The following CPNE5 variants were observed in gnomAD, a reference collection of about 807,000 sequenced individuals.
The protein encoded by CPNE5 is copine-5.
CPNE5 carries 42 observed loss-of-function variants against 81.1 expected under a neutral mutation model. That is an observed-to-expected ratio of 0.52 (90% CI 0.40 to 0.67). CPNE5 has a LOEUF of 0.67. Among genes scored for constraint, CPNE5 ranks in the 30% least tolerant of loss-of-function variants. The probability of loss-of-function intolerance (pLI) is 0.00; values close to 1 mark genes in which losing one functional copy is unlikely to be tolerated. For missense variants in CPNE5, 612 were observed against 815.5 expected, an observed-to-expected ratio of 0.75 and a Z score of 3.04; for synonymous variants, 313 against 321.5, an observed-to-expected ratio of 0.97 and a Z score of 0.28.
intron 3 of CPNE5, among the ~76,000 whole-genome samples, chr6:36,808,468 G>T (rs952982201): frequency 6.6e-6 from 1 of 152,138 alleles, no homozygotes; most frequent in Non-Finnish European, 1.5e-5. Flanking sequence ...GCAACAGACA[G>T]CACAAGGACA....
chr6:36,767,687 C>A (rs1055844731), intron 10 of CPNE5, among the ~76,000 whole-genome samples: 1 of 152,212 alleles, frequency 6.6e-6, no homozygotes, highest in African/African-American at 2.4e-5. Context: ...GGACCCCAGT[C>A]ATGGTGACAG....
At chr6:36,764,666 C>T (rs1766382493) in intron 11 of CPNE5, among the ~76,000 whole-genome samples, 1 of 152,156 alleles carries the variant, frequency 6.6e-6, no homozygotes, top group Non-Finnish European at 1.5e-5. Flanking sequence ...CCCAGAAGTA[C>T]TGGCCTCCCA....
chr6:36,764,740 C>A (rs7744140), intron 11 of CPNE5, among the ~76,000 whole-genome samples: 1 of 152,056 alleles, frequency 6.6e-6, no homozygotes, highest in Non-Finnish European at 1.5e-5. Flanking sequence ...CACTGTCTCA[C>A]GGCCCATGAG....
chr6:36,800,003 T>A lies in CPNE5; in HGVS notation c.251A>T (p.Tyr84Phe). ...GAGGTTCTGCTTCTCCTCGAAAAAG[T>A]AATCCACAATGAACTTGCGCACGAA... ...PDFVRKFIVDYFFEEKQNLRF... is the reference protein window; with the variant it reads ...PDFVRKFIVDFFFEEKQNLRF... Residue 84 changes from tyrosine (Y) to phenylalanine (F), a missense_variant, in exon 4 of 21, where the codon TAC (tyrosine) becomes TTC (phenylalanine). Transcript: ENST00000244751. The A allele has an allele frequency of 6.2e-7, 1 of 1,614,096 alleles. No individual in the cohort carries two copies. The highest frequency in any genetic ancestry group is 2.2e-5 in the East Asian group (1 of 44,868).
At chr6:36,784,071 A>C (rs1768296013) in intron 8 of CPNE5, among the ~76,000 whole-genome samples, 1 of 152,234 alleles carries the variant, frequency 6.6e-6, no homozygotes, top group Non-Finnish European at 1.5e-5. Context: ...TTAAAAACAA[A>C]AAAAGGATTG....
chr6:36,816,550 G>T (rs1483967989), intron 3 of CPNE5, among the ~76,000 whole-genome samples: 3 of 152,158 alleles, frequency 2.0e-5, no homozygotes, highest in Non-Finnish European at 2.9e-5. Flanking sequence ...TTATTTCTCG[G>T]ACAAGATTCT....
intron 9 of CPNE5, 53 bp from the exon 10 acceptor site, chr6:36,775,118 G>A (rs1016454969): frequency 1.2e-5 from 17 of 1,368,160 alleles, no homozygotes; most frequent in African/African-American, 7.1e-5. Context: ...CAAGGGAGGC[G>A]AATGCAGGTC....
chr6:36,750,937 C>T (rs892760033), intron 14 of CPNE5, among the ~76,000 whole-genome samples: 19 of 152,360 alleles, frequency 1.2e-4, no homozygotes, highest in Admixed American at 7.2e-4. Context: ...AAATTACTCG[C>T]AGCAGCCTAG....
In CPNE5 at chr6:36,837,341, G is replaced by T. The variant is rs142194235; in HGVS notation, c.95+1942C>A. ...TACCTGACAGGTGGGGGAAACTGAGGCTTAAAATTTGCCCCAAGTGGTGAA... is the reference window on the plus strand; with the variant it reads ...TACCTGACAGGTGGGGGAAACTGAGTCTTAAAATTTGCCCCAAGTGGTGAA... On this transcript the variant is annotated intron_variant, in intron 1 of 20. Transcript: ENST00000244751. 1.1e-3 allele frequency among the ~76,000 whole-genome samples: 172 copies of T among 152,350 alleles called. 1 individual carries two copies. The highest frequency in any genetic ancestry group is 1.9e-3 in the Non-Finnish European group (129 of 68,032).
chr6:36,783,546 C>T (rs1768248520), intron 8 of CPNE5, among the ~76,000 whole-genome samples: 1 of 152,294 alleles, frequency 6.6e-6, no homozygotes, highest in East Asian at 1.9e-4. Context: ...CTCTGTCACC[C>T]ACGCTGGAGT....
intron 1 of CPNE5, among the ~76,000 whole-genome samples, chr6:36,828,783 C>A (rs770918279): frequency 3.4e-4 from 51 of 152,174 alleles, no homozygotes; most frequent in African/African-American, 9.7e-4. Context: ...ATCCGTCCAA[C>A]CTTGGGGGTG....
chr6:36,780,025 C>T (rs1049315860), intron 8 of CPNE5, among the ~76,000 whole-genome samples: 3 of 150,882 alleles, frequency 2.0e-5, no homozygotes, highest in African/African-American at 4.9e-5. Context: ...AGTGCAGTGG[C>T]GCCATCTCGG....
At chr6:36,798,898 G>A (rs1769846746) in intron 4 of CPNE5, among the ~76,000 whole-genome samples, 1 of 152,158 alleles carries the variant, frequency 6.6e-6, no homozygotes, top group Non-Finnish European at 1.5e-5. Context: ...AGCCTTGGCT[G>A]CCCGTGGTGC....
At chr6:36,752,877 G>C (rs1436911601) in intron 14 of CPNE5, among the ~76,000 whole-genome samples, 157 bp downstream of exon 14, 1 of 152,234 alleles carries the variant, frequency 6.6e-6, no homozygotes, top group African/African-American at 2.4e-5. Flanking sequence ...TGGATGAGTT[G>C]TCTCAGCCCA....
At chr6:36,812,336 A>G (rs1040559451) in intron 3 of CPNE5, among the ~76,000 whole-genome samples, 6 of 152,164 alleles carry the variant, frequency 3.9e-5, no homozygotes, top group Admixed American at 1.3e-4. Flanking sequence ...GGTAGAAGGC[A>G]TATCAGTCAC....
intron 3 of CPNE5, among the ~76,000 whole-genome samples, chr6:36,821,798 C>CA (rs1772077202): frequency 6.6e-6 from 1 of 152,172 alleles, no homozygotes; most frequent in African/African-American, 2.4e-5. Flanking sequence ...AAGCTGCACT[C>CA]ACGCCTCCAG....
At chr6:36,758,337 G>C (rs1043852070) in intron 12 of CPNE5, among the ~76,000 whole-genome samples, 7 of 101,568 alleles carry the variant, frequency 6.9e-5, no homozygotes, top group Admixed American at 2.0e-4. Context: ...GGAGTGCAGT[G>C]GTGGGGTCAT....
rs1772210380 is a variant in CPNE5 at position 36,823,171 on chromosome 6, T to C, written c.96-73A>G. The C allele has an allele frequency of 4.6e-6, 6 of 1,312,702 alleles. No homozygotes were observed. The East Asian group carries it at 8.0e-5, about 17-fold the overall frequency. The allele number at this position is 1,312,702 out of a possible 1,614,324, so 81.3% of individuals were successfully genotyped here. On this transcript the variant is annotated intron_variant, in intron 1 of 20. Transcript: ENST00000244751. ...GGCGACCTCAGGGGATTCAGGCTGT[T>C]ACCGAGACCCAGAGGCTGCCTCTGG...
In CPNE5 at chr6:36,839,133, G is replaced by A. The variant is rs1773804774; in HGVS notation, c.95+150C>T. On this transcript the variant is annotated intron_variant, in intron 1 of 20. Coordinates refer to ENST00000244751, the MANE Select transcript of CPNE5 (RefSeq NM_020939.2). This position sits in a 1 kb window ranked among gnomAD's most constrained non-coding sequence, Gnocchi z 7.3. Reference sequence around the variant, plus strand: ...TCGCCACCCGCAGCTGGACAGGACAGGGGCTCTTGGCAGATCGGCAGGGGC... The same window carrying A: ...TCGCCACCCGCAGCTGGACAGGACAAGGGCTCTTGGCAGATCGGCAGGGGC... 1 of 560,652 alleles carries A rather than the reference G, an allele frequency of 1.8e-6. No homozygotes were observed. Among genetic ancestry groups the A allele is most frequent in the Non-Finnish European group, 3.0e-6 (1 of 330,118 alleles). 34.7% of individuals were successfully genotyped at this position (560,652 alleles called of 1,614,324 possible). A position where few individuals can be genotyped will look rare whatever the true frequency, so the allele number is the denominator to read the frequency against.
Sources: gnomAD v4.1 joint callset for allele counts (sites outside exome capture counted in the v4.1 genomes callset) on GRCh38, gnomAD v4.1.1 for gene constraint, Gnocchi (gnomAD v3.1) non-coding constraint, MANE v1.5 for transcripts, NCBI Gene and HGNC (gene_info 2026-07-23, HGNC 2026-07-21) for gene names.